FTCD: variants seen among roughly 807,000 people sequenced by gnomAD.
The protein encoded by FTCD is formimidoyltransferase-cyclodeaminase.
In FTCD, 76 loss-of-function variants were observed where a neutral mutation model predicts 62.9. The ratio of observed to expected loss-of-function variants is 1.21; its 90% CI spans 1.00 to 1.46. FTCD has a LOEUF of 1.46. Ranked by LOEUF, FTCD falls within the 40% of genes most tolerant of loss-of-function variation. The pLI, the probability that FTCD is intolerant of heterozygous loss-of-function variation, is 0.00. For synonymous variants in FTCD, 397 were observed against 336.9 expected (o/e 1.18, Z -1.95); for missense variants, 845 against 751.3 (o/e 1.12, Z -1.46).
At chr21:46,148,283 C>T (rs940161971) in intron 7 of FTCD, among the ~76,000 whole-genome samples, 1 of 152,222 alleles carries the variant, frequency 6.6e-6, no homozygotes, top group African/African-American at 2.4e-5. Flanking sequence ...CATGGGGAGT[C>T]GGCGTCTCTG....
downstream of FTCD, chr21:46,136,562 C>A: frequency 6.3e-7 from 1 of 1,585,740 alleles, no homozygotes; most frequent in East Asian, 2.3e-5. Context: ...GGGACCTGCA[C>A]TGAACCCCAG....
rs771799096 is a variant in FTCD at position 46,137,286 on chromosome 21, C to T, written c.1492G>A (p.Val498Met). The change falls in exon 13 of 14, where the codon GTG becomes ATG. Residue 498 changes from valine to methionine, a missense_variant. By Grantham distance (21) the Val-to-Met change is conservative. Coordinates refer to ENST00000397746, the MANE Select transcript of FTCD (RefSeq NM_206965.2). ...EMGVFGAYFN[V>M]LINLRDITDE... ...GTGATGTCCCTCAGGTTGATGAGCA[C>T]GTTGAAATATGCGCCAAACACGCCC... 50 of 1,613,760 alleles carry T rather than the reference C, an allele frequency of 3.1e-5. No homozygotes were observed. Among genetic ancestry groups the T allele is most frequent in the Middle Eastern group, 1.6e-4 (1 of 6,084 alleles).
chr21:46,152,087 C>G, intron 3 of FTCD, 107 bp from the exon 4 acceptor site: 1 of 742,346 alleles, frequency 1.3e-6, no homozygotes, highest in Non-Finnish European at 2.3e-6. Context: ...AGGAATGGGC[C>G]TCTACTGCAC....
chr21:46,139,685 T>C (rs1022164327), intron 10 of FTCD, among the ~76,000 whole-genome samples: 1 of 152,202 alleles, frequency 6.6e-6, no homozygotes, highest in Non-Finnish European at 1.5e-5. Flanking sequence ...TCTGGATCCT[T>C]TGACCATTCC....
intron 9 of FTCD, 116 bp downstream of exon 9, chr21:46,145,702 C>T (rs2079124633): frequency 1.4e-6 from 1 of 710,258 alleles, no homozygotes; most frequent in Non-Finnish European, 2.2e-6. Context: ...ACGTCTCCAC[C>T]CAGGGCGGCC....
chr21:46,153,186 C>T, intron 2 of FTCD, 151 bp from the exon 3 acceptor site: 1 of 818,024 alleles, frequency 1.2e-6, no homozygotes, highest in East Asian at 2.8e-5. Context: ...AGGGAGGAGG[C>T]CGGCCCTGGG....
At chr21:46,151,850 G>A in intron 4 of FTCD, 42 bp downstream of exon 4, 1 of 1,557,418 alleles carries the variant, frequency 6.4e-7, no homozygotes, top group East Asian at 2.4e-5. Context: ...AAAGGGGCAG[G>A]TCCACCTCCT....
chr21:46,150,011 G>A (rs2079228068), intron 7 of FTCD, 108 bp downstream of exon 7: 6 of 1,020,832 alleles, frequency 5.9e-6, no homozygotes, highest in Non-Finnish European at 9.0e-6. Flanking sequence ...ATAAAATGAA[G>A]GGGGAGGAGG....
chr21:46,139,011 A>AT, intron 10 of FTCD, 88 bp from the exon 11 acceptor site: 1 of 993,336 alleles, frequency 1.0e-6, no homozygotes, highest in Non-Finnish European at 1.6e-6. Context: ...TGTAGCAAGG[A>AT]GCATGTCCCA....
chr21:46,149,507 C>T (rs16978935), intron 7 of FTCD, among the ~76,000 whole-genome samples: 6,256 of 152,164 alleles, frequency 0.041, 423 homozygotes, highest in African/African-American at 0.14. Flanking sequence ...GTGCTTATTG[C>T]GAAAAACACA....
intron 5 of FTCD, 130 bp downstream of exon 5, chr21:46,151,428 T>G: frequency 1.2e-6 from 1 of 832,100 alleles, no homozygotes; most frequent in Non-Finnish European, 2.0e-6. Flanking sequence ...TGGGCCGGTC[T>G]GCAGGTGGGA....
intron 8 of FTCD, 31 bp downstream of exon 8, chr21:46,146,235 G>A (rs1381645117): frequency 1.3e-6 from 2 of 1,510,160 alleles, no homozygotes; most frequent in South Asian, 2.3e-5. Flanking sequence ...CCCGGGAGGG[G>A]TGAGAAGAGG....
chr21:46,138,615 G>A lies in FTCD; in HGVS notation c.1336C>T (p.Arg446Trp), dbSNP rs201966668. Residue 446 changes from arginine (R) to tryptophan (W), a missense_variant, in exon 12 of 14, where the codon CGG becomes TGG. Arg to Trp is a moderately radical substitution (Grantham distance 101). Transcript: ENST00000397746. Reference sequence around the variant, plus strand: ...AGCGTCAGCGGCACAGAGACTGCCCGCCTCAGACCCTCCTGTAGGGCCGCC... The same window carrying A: ...AGCGTCAGCGGCACAGAGACTGCCCACCTCAGACCCTCCTGTAGGGCCGCC... Reference protein sequence around the residue: ...RTAALQEGLRRAVSVPLTLAE... With the variant: ...RTAALQEGLRWAVSVPLTLAE... 44 of 1,593,160 alleles carry A rather than the reference G, an allele frequency of 2.8e-5. No homozygotes were observed. The highest frequency in any genetic ancestry group is 1.8e-4 in the Middle Eastern group (1 of 5,694).
At chr21:46,146,575 G>A (rs2079153052) in intron 7 of FTCD, 2 of 581,240 alleles carry the variant, frequency 3.4e-6, no homozygotes, top group Non-Finnish European at 6.1e-6. Flanking sequence ...AGTTGCCCTT[G>A]GGGAACCTGA....
intron 10 of FTCD, among the ~76,000 whole-genome samples, chr21:46,139,873 C>G (rs1383507127): frequency 2.0e-5 from 3 of 152,296 alleles, no homozygotes; most frequent in African/African-American, 7.2e-5. Context: ...GCTACGAACA[C>G]TCTCTCACAC....
At chr21:46,139,190 G>A (rs1237944446) in intron 10 of FTCD, 3 of 551,006 alleles carry the variant, frequency 5.4e-6, no homozygotes, top group East Asian at 3.1e-5. Context: ...CTTATTCTCA[G>A]CTAAAGAGCC....
chr21:46,138,429 C>G, intron 12 of FTCD, 79 bp downstream of exon 12: 2 of 1,403,834 alleles, frequency 1.4e-6, no homozygotes, highest in Non-Finnish European at 9.7e-7. Context: ...AGCCAACCAC[C>G]GTGCTCTCCA....
At position 46,154,423 on chromosome 21, in the gene FTCD, G is replaced by C. The variant is rs1244088710; in HGVS notation, c.55-91C>G. Reference sequence around the variant, plus strand: ...GGTGGCTGCACCCCGAGACACAAATGGGGGCTGAGGAGGCGGGCCAAGCCT... The same window carrying C: ...GGTGGCTGCACCCCGAGACACAAATCGGGGCTGAGGAGGCGGGCCAAGCCT... On this transcript the variant is annotated intron_variant, in intron 1 of 13. Transcript: ENST00000397746. 9.0e-6 allele frequency: 13 copies of C among 1,438,056 alleles called. No individual in the cohort carries two copies. The South Asian group carries it at 9.8e-5, about 11-fold the overall frequency. 89.1% of individuals were successfully genotyped at this position (1,438,056 alleles called of 1,614,324 possible). A position where few individuals can be genotyped will look rare whatever the true frequency, so the allele number is the denominator to read the frequency against.
In FTCD at chr21:46,146,205, G is replaced by C. The variant is rs902812954; in HGVS notation, c.968+61C>G. On this transcript the variant is annotated intron_variant, in intron 8 of 13. Transcript: ENST00000397746. ...CTCCACGCAGGGACCCCAGCGCCCCGCAAGGCCCGAGAGGCAGAGCCCGGG... is the reference window on the plus strand; with the variant it reads ...CTCCACGCAGGGACCCCAGCGCCCCCCAAGGCCCGAGAGGCAGAGCCCGGG... The C allele has an allele frequency of 9.7e-6, 12 of 1,239,030 alleles. No homozygotes were observed. The African/African-American group carries it at 1.6e-4, about 17-fold the overall frequency. 76.8% of individuals were successfully genotyped at this position (1,239,030 alleles called of 1,614,324 possible). A position where few individuals can be genotyped will look rare whatever the true frequency, so the allele number is the denominator to read the frequency against.
Sources: gnomAD v4.1 joint callset for allele counts (sites outside exome capture counted in the v4.1 genomes callset) on GRCh38, gnomAD v4.1.1 for gene constraint, MANE v1.5 for transcripts, NCBI Gene and HGNC (gene_info 2026-07-23, HGNC 2026-07-21) for gene names.